Variants in GALNT13 observed in about 807,000 individuals in gnomAD.
GALNT13 encodes the protein UDP-GalNAc:polypeptide N-acetylgalactosaminyltransferase 13.
Under a neutral mutation model 64.2 loss-of-function variants are expected in GALNT13, and 28 were observed. That is an observed-to-expected ratio of 0.44 (90% confidence interval 0.32 to 0.60). GALNT13 has a LOEUF of 0.60. GALNT13 is among the 20% of genes least tolerant of loss of function. GALNT13 has a pLI of 0.05. For missense variants in GALNT13, 577 were observed against 669.8 expected (o/e 0.86, Z 1.53); for synonymous variants, 214 against 224.6 (o/e 0.95, Z 0.42).
intron 3 of GALNT13, among the ~76,000 whole-genome samples, chr2:153,963,727 C>CTG (rs1453388252): frequency 3.1e-4 from 30 of 96,736 alleles, no homozygotes; most frequent in African/African-American, 8.1e-4. Flanking sequence ...CTCTCTCTCT[C>CTG]TCTCTGTGTG....
chr2:153,077,850 T>C, the GALNT13 span, among the ~76,000 whole-genome samples: 1 of 152,216 alleles, frequency 6.6e-6, no homozygotes, highest in African/African-American at 2.4e-5. Context: ...GTTTGTTTGC[T>C]TCGGAATTTA....
chr2:153,635,591 A>G, the GALNT13 span, among the ~76,000 whole-genome samples: 1 of 151,998 alleles, frequency 6.6e-6, no homozygotes, highest in Non-Finnish European at 1.5e-5. Context: ...GATATTTAAA[A>G]GTTTATAGCC....
chr2:153,706,275 G>A, the GALNT13 span, among the ~76,000 whole-genome samples: 6 of 152,196 alleles, frequency 3.9e-5, no homozygotes, highest in East Asian at 7.8e-4. Flanking sequence ...GATTACAGAC[G>A]TGAGCTACTG....
intron 1 of GALNT13, among the ~76,000 whole-genome samples, chr2:153,897,531 T>C (rs766292625): frequency 6.6e-6 from 1 of 152,122 alleles, no homozygotes; most frequent in Admixed American, 6.6e-5. Flanking sequence ...CTGCCAAGTT[T>C]CTCCACTACT....
At chr2:153,941,776 G>A (rs903175022) in intron 2 of GALNT13, among the ~76,000 whole-genome samples, 48 of 152,104 alleles carry the variant, frequency 3.2e-4, no homozygotes, top group African/African-American at 1.2e-3. Context: ...CAAGGTGTAG[G>A]TGTTTTCAAA....
chr2:153,436,510 G>T, the GALNT13 span, among the ~76,000 whole-genome samples: 2 of 152,156 alleles, frequency 1.3e-5, no homozygotes, highest in African/African-American at 2.4e-5. Context: ...TTCAGAGCTT[G>T]TTATTTGTCT....
intron 7 of GALNT13, among the ~76,000 whole-genome samples, chr2:154,252,629 T>C (rs1690135251): frequency 6.6e-6 from 1 of 152,148 alleles, no homozygotes; most frequent in African/African-American, 2.4e-5. Flanking sequence ...GTGCTGGGAT[T>C]ACAGGCGTGA....
At chr2:153,924,690 G>A (rs1016396897) in intron 2 of GALNT13, among the ~76,000 whole-genome samples, 6 of 152,034 alleles carry the variant, frequency 3.9e-5, no homozygotes, top group African/African-American at 7.2e-5. Context: ...GTATATAAGC[G>A]TCCCTTTTTC....
At chr2:154,383,874 A>G (rs545648142) in intron 9 of GALNT13, among the ~76,000 whole-genome samples, 1 of 149,258 alleles carries the variant, frequency 6.7e-6, no homozygotes, top group South Asian at 2.2e-4. Context: ...AAGCAAATAT[A>G]TAGAGATATA....
chr2:153,253,529 G>A, the GALNT13 span, among the ~76,000 whole-genome samples: 2 of 146,818 alleles, frequency 1.4e-5, no homozygotes, highest in Admixed American at 6.8e-5. Context: ...GTGAGAGAGG[G>A]CATCCCTGTC....
intron 4 of GALNT13, among the ~76,000 whole-genome samples, chr2:154,148,249 A>C (rs1348958514): frequency 6.6e-6 from 1 of 151,928 alleles, no homozygotes; most frequent in Non-Finnish European, 1.5e-5. Flanking sequence ...TACAAAGGAC[A>C]TGAACTCATC....
the GALNT13 span, among the ~76,000 whole-genome samples, chr2:153,489,980 T>TACAC: frequency 0.2 from 30,044 of 147,790 alleles, 3,269 homozygotes; most frequent in Admixed American, 0.32. Context: ...GGCCCTGTTT[T>TACAC]ACACACACAC....
the GALNT13 span, among the ~76,000 whole-genome samples, chr2:153,297,108 A>G: frequency 6.6e-6 from 1 of 152,216 alleles, no homozygotes; most frequent in Non-Finnish European, 1.5e-5. Flanking sequence ...GAAAGCAGAC[A>G]GTATTAAACT....
intron 3 of GALNT13, among the ~76,000 whole-genome samples, chr2:153,998,147 G>A (rs1278195146): frequency 6.6e-6 from 1 of 151,998 alleles, no homozygotes; most frequent in Non-Finnish European, 1.5e-5. Flanking sequence ...ATAATCTTTT[G>A]GGTATATATC....
At chr2:153,574,969 T>C in the GALNT13 span, among the ~76,000 whole-genome samples, 1 of 152,124 alleles carries the variant, frequency 6.6e-6, no homozygotes, top group African/African-American at 2.4e-5. Context: ...AGTCATTTAT[T>C]GTAGTCTTCA....
At chr2:153,104,268 C>T in the GALNT13 span, among the ~76,000 whole-genome samples, 1 of 152,088 alleles carries the variant, frequency 6.6e-6, no homozygotes, top group South Asian at 2.1e-4. Context: ...CAGATGTGCT[C>T]CACTTAGGGA....
the GALNT13 span, among the ~76,000 whole-genome samples, chr2:153,580,346 C>G: frequency 9.8e-5 from 14 of 142,456 alleles, no homozygotes; most frequent in African/African-American, 3.6e-4. Context: ...TCCATTTGAC[C>G]AAAAAAAAAA....
chr2:154,376,998 T>C (rs1336784003), intron 9 of GALNT13, among the ~76,000 whole-genome samples: 2 of 152,164 alleles, frequency 1.3e-5, no homozygotes, highest in Admixed American at 6.6e-5. Context: ...TGAATATTCT[T>C]AGTACCAGAA....
At chr2:154,027,018 C>T (rs553694122) in intron 3 of GALNT13, among the ~76,000 whole-genome samples, 1 of 152,240 alleles carries the variant, frequency 6.6e-6, no homozygotes, top group South Asian at 2.1e-4. Flanking sequence ...AGCTGGAGGA[C>T]AAGCAGGAAG....
Sources: allele counts gnomAD v4.1 joint callset (sites outside exome capture counted in the v4.1 genomes callset), GRCh38; gene constraint gnomAD v4.1.1; transcripts MANE v1.5; gene names NCBI Gene and HGNC (gene_info 2026-07-23, HGNC 2026-07-21).